XPC: variants seen among roughly 807,000 people sequenced by gnomAD.
XPC encodes the protein DNA repair protein complementing XP-C cells.
In XPC, 76 loss-of-function variants were observed where a neutral mutation model predicts 95.8. The ratio of observed to expected loss-of-function variants is 0.79; its 90% CI spans 0.66 to 0.96. The LOEUF (loss-of-function observed/expected upper bound fraction) is 0.96. XPC is among the 40% of genes least tolerant of loss of function. XPC has a pLI of 0.00. For synonymous variants in XPC, 442 were observed against 442.1 expected, an observed-to-expected ratio of 1.00 and a Z score of 0.00; for missense variants, 1,146 against 1,179.8, an observed-to-expected ratio of 0.97 and a Z score of 0.42.
In XPC at chr3:14,178,424, C is replaced by T; in HGVS notation, c.103+42G>A. The T allele has an allele frequency of 2.6e-6, 4 of 1,565,888 alleles. No individual in the cohort carries two copies. The African/African-American group carries it at 4.1e-5, about 16-fold the overall frequency. On this transcript the variant is annotated intron_variant, in intron 1 of 15. Coordinates refer to ENST00000285021, the MANE Select transcript of XPC (RefSeq NM_004628.5). ...CCTGCCTCTGGGCCTCCTCCGCCCA[C>T]CGGCGGCGTCTCCCGCGAAGCCCGC... is the stretch of plus-strand genomic sequence containing the variant.
At chr3:14,148,092 T>A in intron 13 of XPC, 91 bp from the exon 14 acceptor site, 1 of 1,104,726 alleles carries the variant, frequency 9.1e-7, no homozygotes, top group East Asian at 2.6e-5. Context: ...GTGGGCCACA[T>A]CTGAGCACTA....
Position 14,145,320 on chromosome 3 carries a change from A to G in XPC, c.*621T>C, listed in dbSNP as rs1457017356. ...ATTTTTCCTTTTCTTTCCTGATTTTAGCTTTTTTTAGGCTTCTGTCACCAC... is the reference window on the plus strand; with the variant it reads ...ATTTTTCCTTTTCTTTCCTGATTTTGGCTTTTTTTAGGCTTCTGTCACCAC... On this transcript the variant is annotated 3_prime_UTR_variant, in exon 16 of 16. Coordinates refer to ENST00000285021, the MANE Select transcript of XPC (RefSeq NM_004628.5). The G allele has an allele frequency of 1.4e-6, 1 of 697,984 alleles. No homozygotes were observed. The highest frequency in any genetic ancestry group is 2.6e-6 in the Non-Finnish European group (1 of 384,118). 43.2% of individuals were successfully genotyped at this position (697,984 alleles called of 1,614,324 possible).
intron 1 of XPC, 97 bp downstream of exon 1, chr3:14,178,369 T>A (rs1021708382): frequency 7.3e-7 from 1 of 1,368,820 alleles, no homozygotes; most frequent in Non-Finnish European, 9.6e-7. Context: ...CGCAGCAACC[T>A]CCACCAGGCC....
In XPC at chr3:14,148,620, T is replaced by C. The variant is rs767045808; in HGVS notation, c.2362A>G (p.Ile788Val). 1.9e-5 allele frequency: 30 copies of C among 1,613,896 alleles called. No individual in the cohort carries two copies. The highest frequency in any genetic ancestry group is 2.3e-5 in the Non-Finnish European group (27 of 1,179,900). The change falls in exon 13 of 16, where the codon ATC becomes GTC. Residue 788 changes from isoleucine (I) to valine (V), a missense_variant. Ile to Val is a conservative substitution (Grantham distance 29). Transcript: ENST00000285021. ...CCAGTGATGGCCTGGACACAGTCGA[T>C]GTCCAGCTTGCGGGCCACGCGGTGT... The part of the protein sequence containing the change: ...NLHRVARKLD[I>V]DCVQAITGFD...
intron 14 of XPC, 152 bp from the exon 15 acceptor site, chr3:14,147,531 A>G: frequency 1.3e-6 from 1 of 762,366 alleles, no homozygotes; most frequent in South Asian, 1.8e-5. Context: ...CAAAAAATTG[A>G]TCTGATTTAC....
Position 14,158,847 on chromosome 3 carries a change from A to G in XPC, c.1036T>C (p.Ser346Pro), listed in dbSNP as rs745984531. The change falls in exon 9 of 16, where the codon TCC (serine) becomes CCC (proline). Residue 346 changes from serine (S) to proline (P), a missense_variant. Ser to Pro is a moderately conservative substitution (Grantham distance 74). Transcript: ENST00000285021. This position sits in a 1 kb window ranked among gnomAD's most constrained non-coding sequence, Gnocchi z 5.2. ...AGAACTTGGCTGGAAGTTTCTGAGG[A>G]GCCTCCTGGATCCGCAGTCAATCTT... ...KERLTADPGG[S>P]SETSSQVLEN... 5.6e-6 allele frequency: 9 copies of G among 1,613,906 alleles called. No individual in the cohort carries two copies. The highest frequency in any genetic ancestry group is 2.2e-5 in the East Asian group (1 of 44,862).
intron 1 of XPC, among the ~76,000 whole-genome samples, chr3:14,177,069 G>A (rs1180936603): frequency 6.6e-6 from 1 of 151,732 alleles, no homozygotes; most frequent in African/African-American, 2.4e-5. Flanking sequence ...CAGCGACAGA[G>A]TGAGACACTG....
At chr3:14,146,284 A>G in intron 15 of XPC, 125 bp from the exon 16 acceptor site, 2 of 887,062 alleles carry the variant, frequency 2.3e-6, no homozygotes, top group South Asian at 3.1e-5. Context: ...GGACAAGGGC[A>G]TGGGACAGGG....
rs3731163 is a variant in XPC, at chr3:14,148,250, G to A, written c.2421-249C>T. The A allele has an allele frequency of 6.1e-3, 3,565 of 582,066 alleles. 96 individuals carry two copies. Among genetic ancestry groups the A allele is most frequent in the African/African-American group, 0.059 (3,148 of 53,368 alleles). 36.1% of individuals were successfully genotyped at this position (582,066 alleles called of 1,614,324 possible). On this transcript the variant is annotated intron_variant, in intron 13 of 15. Coordinates refer to ENST00000285021, the MANE Select transcript of XPC (RefSeq NM_004628.5). ...CCCCTATCCAGCCTCACCCATCATG[G>A]AACAGAGCTCACTAACCAGGCAGCT...
intron 11 of XPC, 57 bp from the exon 12 acceptor site, chr3:14,149,005 G>A (rs558618583): frequency 9.4e-6 from 15 of 1,603,376 alleles, no homozygotes; most frequent in African/African-American, 4.0e-5. Flanking sequence ...CCTCAGCACC[G>A]GGCCAGGCAC....
chr3:14,160,128 C>T, intron 7 of XPC, among the ~76,000 whole-genome samples: 1 of 152,238 alleles, frequency 6.6e-6, no homozygotes, highest in South Asian at 2.1e-4. Flanking sequence ...TTTAGACATA[C>T]ACGTATATTT....
At chr3:14,177,128 C>T (rs1479320053) in intron 1 of XPC, among the ~76,000 whole-genome samples, 1 of 152,114 alleles carries the variant, frequency 6.6e-6, no homozygotes, top group Non-Finnish European at 1.5e-5. Context: ...GCATTTAGCC[C>T]TACCAATCCA....
chr3:14,153,316 G>A (rs974786984), intron 10 of XPC: 1 of 152,236 alleles, frequency 6.6e-6, no homozygotes, highest in Non-Finnish European at 1.5e-5. Flanking sequence ...CCAAAGTCCA[G>A]TGGTTTGATT....
At chr3:14,178,346 G>C (rs994245668) in intron 1 of XPC, 120 bp downstream of exon 1, 5 of 1,190,956 alleles carry the variant, frequency 4.2e-6, no homozygotes, top group Non-Finnish European at 5.6e-6. Flanking sequence ...CTGCCCCCAC[G>C]GCGCGGAACG....
chr3:14,154,238 A>C (rs1199647856), intron 10 of XPC, among the ~76,000 whole-genome samples: 1 of 152,178 alleles, frequency 6.6e-6, no homozygotes, highest in South Asian at 2.1e-4. Context: ...GGTGGTTCCT[A>C]AAAAAATGAT....
At chr3:14,154,901 A>G (rs1695840282) in intron 10 of XPC, among the ~76,000 whole-genome samples, 1 of 137,862 alleles carries the variant, frequency 7.3e-6, no homozygotes, top group Non-Finnish European at 1.6e-5. Flanking sequence ...ACAATAAAAA[A>G]TAAATCAATA....
At chr3:14,172,037 C>G (rs941454230) in intron 2 of XPC, among the ~76,000 whole-genome samples, 2 of 152,244 alleles carry the variant, frequency 1.3e-5, no homozygotes, top group African/African-American at 4.8e-5. Context: ...AAAACTATCC[C>G]TCTGTTCTTC....
At chr3:14,157,286 A>G (rs1210993555) in intron 9 of XPC, among the ~76,000 whole-genome samples, 1 of 152,032 alleles carries the variant, frequency 6.6e-6, no homozygotes, top group Non-Finnish European at 1.5e-5. Context: ...GATGCATTGC[A>G]CTCCTATAGG....
At chr3:14,165,779 C>T (rs1696355553) in intron 5 of XPC, 194 bp from the exon 6 acceptor site, 2 of 578,120 alleles carry the variant, frequency 3.5e-6, no homozygotes, top group Admixed American at 6.1e-5. Context: ...TCTGTATACT[C>T]ATTCCTTCAA....
Sources: allele counts gnomAD v4.1 joint callset (sites outside exome capture counted in the v4.1 genomes callset), GRCh38; gene constraint gnomAD v4.1.1; non-coding constraint Gnocchi (gnomAD v3.1); transcripts MANE v1.5; gene names NCBI Gene and HGNC (gene_info 2026-07-23, HGNC 2026-07-21).